Variants in USH2A observed in about 807,000 individuals in gnomAD.
USH2A encodes usherin.
USH2A carries 443 observed loss-of-function variants against 538.9 expected under a neutral mutation model. The observed-to-expected ratio is 0.82, with a 90% CI of 0.76 to 0.89. USH2A has a LOEUF of 0.89. USH2A is among the 40% of genes least tolerant of loss of function. USH2A has a pLI of 0.00. For missense variants in USH2A, 6,633 were observed against 6,324.8 expected (o/e 1.05, Z -1.65); for synonymous variants, 2,413 against 2,273.5 (o/e 1.06, Z -1.75).
At chr1:216,091,547 C>T (rs1453368084) in intron 22 of USH2A, among the ~76,000 whole-genome samples, 3 of 152,114 alleles carry the variant, frequency 2.0e-5, no homozygotes. Flanking sequence ...AACACATTTC[C>T]AATTTTATGT....
chr1:216,240,550 A>G lies in USH2A; in HGVS notation c.2809+6035T>C, dbSNP rs568059236. Reference sequence around the variant, plus strand: ...AAAAAAAAAAAAAGTAGAAAAGAAGAAAGAATCTGATTAACATTGCTAACA... The same window carrying G: ...AAAAAAAAAAAAAGTAGAAAAGAAGGAAGAATCTGATTAACATTGCTAACA... On this transcript the variant is annotated intron_variant, in intron 13 of 71. Coordinates refer to ENST00000307340, the MANE Select transcript of USH2A (RefSeq NM_206933.4). Among the ~76,000 whole-genome samples the G allele has an allele frequency of 2.6e-5, 4 of 152,104 alleles. No individual in the cohort carries two copies. The East Asian group carries it at 7.7e-4, about 29-fold the overall frequency.
rs572099551 is a variant in USH2A at position 215,988,507 on chromosome 1, T to C, written c.6805+4513A>G. ...TGCAATGCATCTTGTTTCCAATTCT[T>C]TTGGATATATTTCAAGAAGTGGGAT... On this transcript the variant is annotated intron_variant, in intron 35 of 71. Coordinates refer to ENST00000307340, the MANE Select transcript of USH2A (RefSeq NM_206933.4). Among the ~76,000 whole-genome samples the C allele has an allele frequency of 8.5e-5, 13 of 152,328 alleles. No individual in the cohort carries two copies. The South Asian group carries it at 2.7e-3, about 32-fold the overall frequency.
intron 61 of USH2A, among the ~76,000 whole-genome samples, chr1:215,698,488 G>C (rs1479597092): frequency 1.3e-5 from 2 of 152,150 alleles, no homozygotes; most frequent in African/African-American, 4.8e-5. Context: ...AGCATCTGTT[G>C]TTTCTTGACT....
At chr1:215,917,775 C>T (rs1665993453) in intron 38 of USH2A, among the ~76,000 whole-genome samples, 1 of 70,340 alleles carries the variant, frequency 1.4e-5, no homozygotes, top group Admixed American at 2.3e-4. Context: ...GAAACCCTAT[C>T]ACTACAAAAA....
chr1:216,027,468 A>G (rs1020546985), intron 32 of USH2A, among the ~76,000 whole-genome samples: 4 of 152,122 alleles, frequency 2.6e-5, no homozygotes, highest in African/African-American at 9.7e-5. Flanking sequence ...TAACTAATAT[A>G]CCTACCATTC....
chr1:215,999,081 T>C (rs1668205657), intron 33 of USH2A, 23 bp from the exon 34 acceptor site: 2 of 1,597,168 alleles, frequency 1.3e-6, no homozygotes, highest in Non-Finnish European at 8.6e-7. Flanking sequence ...AAATACATTA[T>C]TATCATTCAT....
chr1:215,816,914 A>G lies in USH2A; in HGVS notation c.9570+83T>C, dbSNP rs1662872898. 2.9e-6 allele frequency: 4 copies of G among 1,383,534 alleles called. No homozygotes were observed. In the African/African-American group the frequency reaches 4.3e-5, roughly 15 times the overall value. The allele number at this position is 1,383,534 out of a possible 1,614,324, so 85.7% of individuals were successfully genotyped here. A position where few individuals can be genotyped will look rare whatever the true frequency, so the allele number is the denominator to read the frequency against. On this transcript the variant is annotated intron_variant, in intron 48 of 71. Transcript: ENST00000307340. ...GTAGTGGAAATATTGATCATAATAC[A>G]TCATGGTGTGAGAAGCTAATAATTT...
chr1:216,197,878 T>C (rs1296779991), intron 18 of USH2A, among the ~76,000 whole-genome samples: 2 of 152,162 alleles, frequency 1.3e-5, no homozygotes, highest in Non-Finnish European at 2.9e-5. Context: ...CAATCTAGTA[T>C]CTAAACTATT....
At chr1:215,715,734 G>A (rs529538635) in intron 61 of USH2A, among the ~76,000 whole-genome samples, 11 of 152,224 alleles carry the variant, frequency 7.2e-5, no homozygotes, top group African/African-American at 2.4e-4. Flanking sequence ...TGTAAAACAC[G>A]CTGCTGGCAT....
At chr1:215,961,686 T>C (rs1450929334) in intron 37 of USH2A, among the ~76,000 whole-genome samples, 3 of 151,826 alleles carry the variant, frequency 2.0e-5, no homozygotes, top group African/African-American at 4.8e-5. Flanking sequence ...GGTACAGATA[T>C]GTCCACACGT....
chr1:215,838,738 C>T (rs952659460), intron 46 of USH2A, among the ~76,000 whole-genome samples: 3 of 152,068 alleles, frequency 2.0e-5, no homozygotes, highest in African/African-American at 7.2e-5. Flanking sequence ...TGGGGTTCAT[C>T]AAGCATTAGT....
intron 3 of USH2A, among the ~76,000 whole-genome samples, chr1:216,400,210 T>C (rs559477565): frequency 1.4e-3 from 105 of 74,328 alleles, no homozygotes; most frequent in Non-Finnish European, 2.2e-3. Flanking sequence ...AGCATAGAAA[T>C]AGAAGTTATA....
intron 21 of USH2A, among the ~76,000 whole-genome samples, chr1:216,122,950 AATTT>A (rs1402896025): frequency 1.3e-5 from 2 of 152,162 alleles, no homozygotes; most frequent in East Asian, 3.9e-4. Context: ...CAGAAACTCC[AATTT>A]ATTTGACAGT....
intron 3 of USH2A, among the ~76,000 whole-genome samples, chr1:216,375,748 T>C (rs950130471): frequency 5.9e-5 from 9 of 152,188 alleles, no homozygotes; most frequent in African/African-American, 2.2e-4. Flanking sequence ...GTCAACTTTC[T>C]ACATGCCTTC....
chr1:215,696,301 T>G (rs1314488392), intron 61 of USH2A, among the ~76,000 whole-genome samples: 1 of 152,150 alleles, frequency 6.6e-6, no homozygotes, highest in African/African-American at 2.4e-5. Context: ...GAGGAGGAAT[T>G]GCTCTTGCTG....
chr1:216,273,079 A>G (rs2036606181), intron 11 of USH2A, among the ~76,000 whole-genome samples: 1 of 152,084 alleles, frequency 6.6e-6, no homozygotes, highest in African/African-American at 2.4e-5. Context: ...AAGCCTCCCA[A>G]AAAAAGCAGG....
chr1:216,164,009 T>C (rs1410724110), intron 21 of USH2A, among the ~76,000 whole-genome samples: 1 of 152,122 alleles, frequency 6.6e-6, no homozygotes, highest in Non-Finnish European at 1.5e-5. Flanking sequence ...TTTGATATGC[T>C]TCATAGCTGG....
At chr1:215,933,324 GT>G (rs1188547260) in intron 38 of USH2A, among the ~76,000 whole-genome samples, 1 of 151,824 alleles carries the variant, frequency 6.6e-6, no homozygotes, top group Non-Finnish European at 1.5e-5. Flanking sequence ...GGGGGAGTTT[GT>G]TTTATTTTGG....
At chr1:216,381,951 T>C (rs1346787348) in intron 3 of USH2A, among the ~76,000 whole-genome samples, 1 of 152,100 alleles carries the variant, frequency 6.6e-6, no homozygotes, top group South Asian at 2.1e-4. Context: ...CTCGAAAAAA[T>C]TCACATAAAA....
Sources: gnomAD v4.1 joint callset for allele counts (sites outside exome capture counted in the v4.1 genomes callset) on GRCh38, gnomAD v4.1.1 for gene constraint, MANE v1.5 for transcripts, NCBI Gene and HGNC (gene_info 2026-07-23, HGNC 2026-07-21) for gene names.